ABCA2: variants seen among roughly 807,000 people sequenced by gnomAD.
ABCA2 encodes the protein ATP binding cassette subfamily A member 2, also known as ATP-binding cassette sub-family A member 2.
Under a neutral mutation model 262.8 loss-of-function variants are expected in ABCA2, and 84 were observed. That is an observed-to-expected ratio of 0.32 (90% CI 0.27 to 0.38). ABCA2 has a LOEUF of 0.38. Ranked by LOEUF, ABCA2 falls within the 10% of genes least tolerant of loss-of-function variation. The pLI is 1.00. For missense variants in ABCA2, 2,662 were observed against 3,405.9 expected (o/e 0.78, Z 5.44); for synonymous variants, 1,696 against 1,502.9 (o/e 1.13, Z -2.97).
In ABCA2 at chr9:137,013,506, C is replaced by A; in HGVS notation, c.4505G>T (p.Arg1502Leu). The A allele has an allele frequency of 6.2e-7, 1 of 1,610,318 alleles. No homozygotes were observed. Reference protein sequence around the residue: ...PSQYHNYTQPRGNFIPYANEE... With the variant: ...PSQYHNYTQPLGNFIPYANEE... ...GTTGGCGTAGGGGATGAAATTGCCA[C>A]GGGGCTGGGTGTAGTTGTGGTACTG... Residue 1502 changes from arginine (R) to leucine (L), a missense_variant, in exon 29 of 49, where the codon CGT becomes CTT. This residue lies in a region of ABCA2 where 75 missense variants were observed against 118.3 expected (regional missense o/e 0.63). Coordinates refer to ENST00000341511, the MANE Select transcript of ABCA2 (RefSeq NM_001606.5).
At chr9:137,014,487 C>T in intron 26 of ABCA2, 83 bp from the exon 27 acceptor site, 1 of 1,479,594 alleles carries the variant, frequency 6.8e-7, no homozygotes, top group Admixed American at 2.0e-5. Flanking sequence ...GGTCTTGACC[C>T]CAGTTCCCAG....
chr9:137,025,022 T>A (rs1380207874), intron 1 of ABCA2, among the ~76,000 whole-genome samples: 1 of 152,138 alleles, frequency 6.6e-6, no homozygotes, highest in Non-Finnish European at 1.5e-5. Flanking sequence ...ATGGTGTCGA[T>A]CTCCTGACCT....
Position 137,010,602 on chromosome 9 carries a change from T to G in ABCA2, c.6174+18A>C. On this transcript the variant is annotated intron_variant, in intron 40 of 48. Coordinates refer to ENST00000341511, the MANE Select transcript of ABCA2 (RefSeq NM_001606.5). ...GGCCTACCCCACCCAGGCCCCACCC[T>G]ACATGCCCAGAGCCCACCTTGGTCA... 4.7e-6 allele frequency: 2 copies of G among 429,920 alleles called. No homozygotes were observed. Among genetic ancestry groups the G allele is most frequent in the Admixed American group, 2.7e-5 (1 of 36,974 alleles). 26.6% of individuals were successfully genotyped at this position (429,920 alleles called of 1,614,324 possible). A position where few individuals can be genotyped will look rare whatever the true frequency, so the allele number is the denominator to read the frequency against.
Position 137,022,388 on chromosome 9 carries a change from G to C in ABCA2, c.530C>G (p.Ala177Gly). ...CACACGGGCGGCCAAGAGTGCTTGG[G>C]CCGTGCTATTGGGCAGCGACAAGTT... ...TQNLSLPNSTAQALLAARVDP... is the reference protein window; with the variant it reads ...TQNLSLPNSTGQALLAARVDP... The change falls in exon 6 of 49, where the codon GCC (alanine) becomes GGC (glycine). Residue 177 changes from alanine (A) to glycine (G), a missense_variant. By Grantham distance (60) the Ala-to-Gly change is moderately conservative. Coordinates refer to ENST00000341511, the MANE Select transcript of ABCA2 (RefSeq NM_001606.5). 1 of 1,611,140 alleles carries C rather than the reference G, an allele frequency of 6.2e-7. No homozygotes were observed. Among genetic ancestry groups the C allele is most frequent in the Non-Finnish European group, 8.5e-7 (1 of 1,179,382 alleles).
intron 2 of ABCA2, 99 bp downstream of exon 2, chr9:137,024,044 C>T (rs1188728226): frequency 2.6e-6 from 4 of 1,514,272 alleles, no homozygotes; most frequent in Non-Finnish European, 3.6e-6. Context: ...CTCAGGGACT[C>T]CGGGAGCAGG....
chr9:137,028,497 C>T (rs912824259), upstream of ABCA2, among the ~76,000 whole-genome samples: 1 of 151,624 alleles, frequency 6.6e-6, no homozygotes, highest in Non-Finnish European at 1.5e-5. The surrounding 1 kb of genome is among the most constrained non-coding windows in gnomAD (Gnocchi z 6.9). Context: ...GAATCCGAGA[C>T]CCCGGCTTAG....
In ABCA2 at chr9:137,008,530, C is replaced by T. The variant is rs753815980; in HGVS notation, c.7161G>A (p.Leu2387=). 4 of 1,599,598 alleles carry T rather than the reference C, an allele frequency of 2.5e-6. No homozygotes were observed. The South Asian group carries it at 3.4e-5, about 14-fold the overall frequency. ...CAGACCGGGGCCGGAGCAGGCTGAG[C>T]AAGCAGCCGAGAGGGGACTGCAGTG... ...PSALQSPLGC[L]LSLLRPRSAP... The change falls in exon 48 of 49, where the codon TTG becomes TTA. Residue 2387 remains leucine (L), a synonymous_variant. Transcript: ENST00000341511.
intron 2 of ABCA2, 82 bp downstream of exon 2, chr9:137,024,061 G>A (rs570423320): frequency 3.1e-5 from 47 of 1,521,754 alleles, no homozygotes; most frequent in African/African-American, 8.2e-5. Context: ...CAGGACACCC[G>A]TGTGCAGATG....
At position 137,009,900 on chromosome 9, in the gene ABCA2, C is replaced by T. The variant is rs1229684101; in HGVS notation, c.6499G>A (p.Val2167Met). The change falls in exon 43 of 49, where the codon GTG becomes ATG. Residue 2167 changes from valine to methionine, a missense_variant. By Grantham distance (21) the Val-to-Met change is conservative. This residue lies in a region of ABCA2 where 602 missense variants were observed against 897.4 expected (regional missense o/e 0.67). Transcript: ENST00000341511. ...GISWKDEARV[V>M]KWALEKLELT... is the part of the protein sequence containing the mutation. ...TCCAGCTTCTCCAGAGCCCACTTCACCACCTGGCCAGGGAACGCAGGTGTC... is the reference window on the plus strand; with the variant it reads ...TCCAGCTTCTCCAGAGCCCACTTCATCACCTGGCCAGGGAACGCAGGTGTC... 3.1e-6 allele frequency: 5 copies of T among 1,606,424 alleles called. No individual in the cohort carries two copies. Among genetic ancestry groups the T allele is most frequent in the Non-Finnish European group, 4.3e-6 (5 of 1,175,656 alleles).
chr9:137,011,990 T>C lies in ABCA2; in HGVS notation c.5389A>G (p.Ile1797Val), dbSNP rs546174561. 3.1e-6 allele frequency: 5 copies of C among 1,612,564 alleles called. No homozygotes were observed. The African/African-American group carries it at 5.3e-5, about 17-fold the overall frequency. Residue 1797 changes from isoleucine to valine, a missense_variant, in exon 35 of 49, where the codon ATC (isoleucine) becomes GTC (valine). By Grantham distance (29) the Ile-to-Val change is conservative. Coordinates refer to ENST00000341511, the MANE Select transcript of ABCA2 (RefSeq NM_001606.5). The surrounding 1 kb of genome is among the most constrained non-coding windows in gnomAD (Gnocchi z 8.8). ...AAGGACATGGCCACGATGATGAAGA[T>C]GGCGATGACGACATCCGTGCCCTGC... ...LLQGTDVVIA[I>V]FIIVAMSFVP...
upstream of ABCA2, chr9:137,028,329 C>A: frequency 1.1e-6 from 1 of 936,950 alleles, no homozygotes; most frequent in Non-Finnish European, 1.3e-6. The surrounding 1 kb of genome is among the most constrained non-coding windows in gnomAD (Gnocchi z 6.9). Flanking sequence ...GCCCCGCCCG[C>A]CCCCGCTTAA....
chr9:137,023,843 G>A lies in ABCA2; in HGVS notation c.161-3C>T. On this transcript the variant is annotated splice_polypyrimidine_tract_variant and splice_region_variant and intron_variant, in intron 2 of 48. Transcript: ENST00000341511. Reference sequence around the variant, plus strand: ...GGAGGTGGCCGCTCACTTACAGACTGCATGCCAGCCGAGGACAAGAGACCA... The same window carrying A: ...GGAGGTGGCCGCTCACTTACAGACTACATGCCAGCCGAGGACAAGAGACCA... The A allele has an allele frequency of 2.4e-6, 2 of 817,498 alleles. No homozygotes were observed. Among genetic ancestry groups the A allele is most frequent in the South Asian group, 1.4e-5 (1 of 71,606 alleles). 50.6% of individuals were successfully genotyped at this position (817,498 alleles called of 1,614,324 possible). A position where few individuals can be genotyped will look rare whatever the true frequency, so the allele number is the denominator to read the frequency against.
At chr9:137,014,588 G>C (rs1315396195) in intron 26 of ABCA2, 102 bp downstream of exon 26, 14 of 1,509,486 alleles carry the variant, frequency 9.3e-6, no homozygotes, top group Non-Finnish European at 1.2e-5. Context: ...TTCCACCCAG[G>C]ACCAGGGTGG....
intron 22 of ABCA2, 24 bp from the exon 23 acceptor site, chr9:137,015,895 G>A (rs753852159): frequency 6.2e-6 from 10 of 1,607,468 alleles, no homozygotes; most frequent in Non-Finnish European, 8.5e-6. Flanking sequence ...GTGGGGCATG[G>A]GGCTGCTGCT....
Position 137,011,889 on chromosome 9 carries a change from G to A in ABCA2, c.5490C>T (p.Gly1830=). The part of the protein sequence containing the change: ...TKAKHLQFVS[G]CNPIIYWLAN... ...CCAGCCAGTAGATGATGGGGTTGCAGCCGCTGACAAACTGCAGGTGCTTGG... is the reference window on the plus strand; with the variant it reads ...CCAGCCAGTAGATGATGGGGTTGCAACCGCTGACAAACTGCAGGTGCTTGG... The change falls in exon 35 of 49, where the codon GGC becomes GGT. Residue 1830 remains glycine, a synonymous_variant. Coordinates refer to ENST00000341511, the MANE Select transcript of ABCA2 (RefSeq NM_001606.5). This position sits in a 1 kb window ranked among gnomAD's most constrained non-coding sequence, Gnocchi z 8.8. 2 of 1,611,168 alleles carry A rather than the reference G, an allele frequency of 1.2e-6. No homozygotes were observed. Among genetic ancestry groups the A allele is most frequent in the Non-Finnish European group, 1.7e-6 (2 of 1,179,198 alleles).
chr9:137,025,154 C>G (rs751044783), intron 1 of ABCA2, among the ~76,000 whole-genome samples: 1 of 152,136 alleles, frequency 6.6e-6, no homozygotes. Flanking sequence ...TTCCCCAGGT[C>G]GGCTCCTGCT....
Position 137,017,970 on chromosome 9 carries a change from C to T in ABCA2, c.2096+3G>A, listed in dbSNP as rs931498629. ...GCCCCAGCCCCGGGCGCCCAGCACT[C>T]ACTCATCGCGTGTGTAGCAGGGGTA... On this transcript the variant is annotated splice_donor_region_variant and intron_variant, in intron 15 of 48. Transcript: ENST00000341511. The T allele has an allele frequency of 3.7e-6, 6 of 1,612,646 alleles. No individual in the cohort carries two copies. The highest frequency in any genetic ancestry group is 5.1e-6 in the Non-Finnish European group (6 of 1,179,908).
chr9:137,021,968 G>C lies in ABCA2; in HGVS notation c.601C>G (p.Leu201Val). 1 of 1,599,390 alleles carries C rather than the reference G, an allele frequency of 6.3e-7. No homozygotes were observed. The highest frequency in any genetic ancestry group is 1.1e-5 in the South Asian group (1 of 89,090). The change falls in exon 7 of 49, where the codon CTG (leucine) becomes GTG (valine). Residue 201 changes from leucine to valine, a missense_variant. Leu to Val is a conservative substitution (Grantham distance 32, BLOSUM62 1). This residue lies in a region of ABCA2 where 403 missense variants were observed against 375.9 expected (regional missense o/e 1.07). Transcript: ENST00000341511. This position sits in a 1 kb window ranked among gnomAD's most constrained non-coding sequence, Gnocchi z 6.0. Reference protein sequence around the residue: ...YHLLFGPSSALDSQSGLHKGQ... With the variant: ...YHLLFGPSSAVDSQSGLHKGQ... ...TTGTGGAGGCCAGACTGTGAATCCA[G>C]GGCAGATGAGGGACCAAAGAGCAGG...
chr9:137,016,394 T>C lies in ABCA2; in HGVS notation c.3001A>G (p.Lys1001Glu). 1.9e-6 allele frequency: 3 copies of C among 1,612,900 alleles called. No homozygotes were observed. Among genetic ancestry groups the C allele is most frequent in the Non-Finnish European group, 2.5e-6 (3 of 1,179,984 alleles). ...TTCAGGGCCAGCTTCTTGTCGTCCTTGTAGACCTTGGTGAGTTTGTCCACG... is the reference window on the plus strand; with the variant it reads ...TTCAGGGCCAGCTTCTTGTCGTCCTCGTAGACCTTGGTGAGTTTGTCCACG... ...VCVDKLTKVYKDDKKLALNKL... is the reference protein window; with the variant it reads ...VCVDKLTKVYEDDKKLALNKL... Residue 1001 changes from lysine to glutamate, a missense_variant, in exon 21 of 49, where the codon AAG (lysine) becomes GAG (glutamate). Lys to Glu is a moderately conservative substitution (Grantham distance 56). Transcript: ENST00000341511.
Sources: gnomAD v4.1 joint callset for allele counts (sites outside exome capture counted in the v4.1 genomes callset) on GRCh38, gnomAD v4.1.1 for gene constraint, gnomAD v4.1.1 regional missense constraint, Gnocchi (gnomAD v3.1) non-coding constraint, MANE v1.5 for transcripts, NCBI Gene and HGNC (gene_info 2026-07-23, HGNC 2026-07-21) for gene names.